Variants in RASGRP3 observed in about 807,000 individuals in gnomAD.
The protein encoded by RASGRP3 is ras guanyl-releasing protein 3.
In RASGRP3, 54 loss-of-function variants were observed where a neutral mutation model predicts 82.7. The observed-to-expected ratio is 0.65, with a 90% CI of 0.52 to 0.82. The LOEUF is 0.82. Among genes scored for constraint, RASGRP3 ranks in the 40% least tolerant of loss-of-function variants. The pLI, the probability that RASGRP3 is intolerant of heterozygous loss-of-function variation, is 0.00. For missense variants in RASGRP3, 861 were observed against 828.9 expected (o/e 1.04, Z -0.48); for synonymous variants, 309 against 300.5 (o/e 1.03, Z -0.29).
intron 1 of RASGRP3, among the ~76,000 whole-genome samples, chr2:33,508,126 C>T (rs1670569918): frequency 6.6e-6 from 1 of 152,114 alleles, no homozygotes; most frequent in Non-Finnish European, 1.5e-5. Flanking sequence ...TGCCATTCCC[C>T]TGCGATTGAG....
At chr2:33,507,842 A>T (rs944271349) in intron 1 of RASGRP3, among the ~76,000 whole-genome samples, 1 of 152,216 alleles carries the variant, frequency 6.6e-6, no homozygotes, top group Non-Finnish European at 1.5e-5. Context: ...TGGATTTTTA[A>T]AAGATTCTTT....
chr2:33,458,086 C>G (rs1399841203), intron 2 of RASGRP3: 1 of 152,148 alleles, frequency 6.6e-6, no homozygotes, highest in East Asian at 1.9e-4. Flanking sequence ...ACTGCTTGCC[C>G]ACTTTTTTTT....
intron 16 of RASGRP3, 39 bp downstream of exon 16, chr2:33,558,375 C>A: frequency 6.2e-7 from 1 of 1,611,634 alleles, no homozygotes; most frequent in South Asian, 1.1e-5. Flanking sequence ...TGGTCTCTTT[C>A]TGCTTGCCTC....
intron 13 of RASGRP3, among the ~76,000 whole-genome samples, chr2:33,547,341 C>A (rs1674882359): frequency 1.6e-5 from 1 of 62,122 alleles, no homozygotes; most frequent in Non-Finnish European, 3.0e-5. Flanking sequence ...AATATAGAAT[C>A]CTTTTTTTTT....
At chr2:33,513,037 G>T (rs1671086508) in intron 2 of RASGRP3, among the ~76,000 whole-genome samples, 1 of 152,188 alleles carries the variant, frequency 6.6e-6, no homozygotes. Context: ...GTCAGGAAAG[G>T]CCTTACAGAT....
chr2:33,442,002 A>T (rs1384475908), intron 1 of RASGRP3, among the ~76,000 whole-genome samples: 1 of 152,250 alleles, frequency 6.6e-6, no homozygotes, highest in East Asian at 1.9e-4. Flanking sequence ...AACTATTCAT[A>T]GTAAATGTTA....
intron 12 of RASGRP3, 72 bp from the exon 13 acceptor site, chr2:33,543,440 C>A: frequency 1.2e-6 from 1 of 866,292 alleles, no homozygotes; most frequent in Non-Finnish European, 1.8e-6. Flanking sequence ...TGCTAGTTAT[C>A]GTTGCTTTTG....
At chr2:33,442,296 G>A (rs570382479) in intron 1 of RASGRP3, among the ~76,000 whole-genome samples, 3 of 152,290 alleles carry the variant, frequency 2.0e-5, no homozygotes, top group Non-Finnish European at 2.9e-5. Flanking sequence ...CCCAAGAGGC[G>A]GAGGTTGCAG....
intron 2 of RASGRP3, among the ~76,000 whole-genome samples, chr2:33,451,212 A>G (rs1665782795): frequency 6.6e-6 from 1 of 152,078 alleles, no homozygotes; most frequent in Non-Finnish European, 1.5e-5. Context: ...TTCTTTTGAG[A>G]AATACCTCTT....
In RASGRP3 at chr2:33,527,151, G is replaced by A. The variant is rs1057230990; in HGVS notation, c.822G>A (p.Met274Ile). The change falls in exon 10 of 18, where the codon ATG (methionine) becomes ATA (isoleucine). Residue 274 changes from methionine to isoleucine, a missense_variant. Coordinates refer to ENST00000403687, the MANE Select transcript of RASGRP3 (RefSeq NM_001139488.2). Reference protein sequence around the residue: ...SSEVTKNWNEMTELVSSNGNY... With the variant: ...SSEVTKNWNEITELVSSNGNY... ...TCTGTTCCCAGAACTGGAATGAAATGACAGAGTTGGTCTCCTCCAACGGCA... is the reference window on the plus strand; with the variant it reads ...TCTGTTCCCAGAACTGGAATGAAATAACAGAGTTGGTCTCCTCCAACGGCA... 6.2e-7 allele frequency: 1 copy of A among 1,613,978 alleles called. No individual in the cohort carries two copies. Among genetic ancestry groups the A allele is most frequent in the Non-Finnish European group, 8.5e-7 (1 of 1,179,872 alleles).
At chr2:33,560,136 A>G (rs138212463) in intron 17 of RASGRP3, among the ~76,000 whole-genome samples, 111 of 152,336 alleles carry the variant, frequency 7.3e-4, no homozygotes, top group African/African-American at 2.6e-3. Context: ...TGCTTTTAGT[A>G]TACTCACAAA....
chr2:33,516,361 C>T (rs571761538), intron 3 of RASGRP3, among the ~76,000 whole-genome samples, 181 bp from the exon 4 acceptor site: 13 of 152,308 alleles, frequency 8.5e-5, no homozygotes, highest in Non-Finnish European at 1.5e-4. Context: ...GAGCCGAGAT[C>T]ATGCCAGTGC....
At chr2:33,446,736 A>G (rs899732613) in intron 1 of RASGRP3, among the ~76,000 whole-genome samples, 13 of 152,146 alleles carry the variant, frequency 8.5e-5, no homozygotes, top group African/African-American at 3.1e-4. Context: ...GCAATTTCAC[A>G]TTCAAATTGC....
intron 15 of RASGRP3, among the ~76,000 whole-genome samples, chr2:33,557,406 AAGAGT>A (rs2151113177): frequency 6.6e-6 from 1 of 152,234 alleles, no homozygotes; most frequent in South Asian, 2.1e-4. Flanking sequence ...GAAAATGAAG[AAGAGT>A]AAAAAAATCC....
intron 2 of RASGRP3, among the ~76,000 whole-genome samples, chr2:33,462,028 A>G (rs1015137557): frequency 3.3e-5 from 5 of 152,246 alleles, no homozygotes; most frequent in Non-Finnish European, 1.5e-5. Context: ...AATTAAAGTG[A>G]AGAGCAAAAG....
chr2:33,539,413 T>C, intron 12 of RASGRP3: 1 of 496,562 alleles, frequency 2.0e-6, no homozygotes. Context: ...TTGTTGTCTC[T>C]CTTGCCCAGA....
rs544427981 is a variant in RASGRP3, at chr2:33,564,466, T to A, written c.*1729T>A. 1.3e-5 allele frequency: 2 copies of A among 152,326 alleles called. No homozygotes were observed. Among genetic ancestry groups the A allele is most frequent in the African/African-American group, 4.8e-5 (2 of 41,576 alleles). 9.4% of individuals were successfully genotyped at this position (152,326 alleles called of 1,614,324 possible). A position where few individuals can be genotyped will look rare whatever the true frequency, so the allele number is the denominator to read the frequency against. ...TATCTACTACTATCCATAAATGCAA[T>A]AATATGCATGTTAACAACATTAAAA... On this transcript the variant is annotated 3_prime_UTR_variant, in exon 18 of 18. Coordinates refer to ENST00000403687, the MANE Select transcript of RASGRP3 (RefSeq NM_001139488.2).
chr2:33,494,404 A>G (rs1669125960), intron 1 of RASGRP3, among the ~76,000 whole-genome samples: 1 of 152,226 alleles, frequency 6.6e-6, no homozygotes, highest in Non-Finnish European at 1.5e-5. Flanking sequence ...AAAGTAGAGT[A>G]CCGGTTCAAC....
In RASGRP3 at chr2:33,515,021, A is replaced by G; in HGVS notation, c.-116A>G. 1 of 905,282 alleles carries G rather than the reference A, an allele frequency of 1.1e-6. No homozygotes were observed. The highest frequency in any genetic ancestry group is 1.8e-6 in the Non-Finnish European group (1 of 558,074). The allele number at this position is 905,282 out of a possible 1,614,324, so 56.1% of individuals were successfully genotyped here. ...TTCTTTTTTTTTAGAGTTTTCTTGA[A>G]GTACAACTAAGGACAGGTCACCACT... On this transcript the variant is annotated 5_prime_UTR_variant, in exon 3 of 18. Transcript: ENST00000403687.
Sources: gnomAD v4.1 joint callset for allele counts (sites outside exome capture counted in the v4.1 genomes callset) on GRCh38, gnomAD v4.1.1 for gene constraint, MANE v1.5 for transcripts, NCBI Gene and HGNC (gene_info 2026-07-23, HGNC 2026-07-21) for gene names.